The following STK32B variants were observed in gnomAD, a reference collection of about 807,000 sequenced individuals.
STK32B encodes the protein serine/threonine kinase 32B.
STK32B carries 43 observed loss-of-function variants against 52.6 expected under a neutral mutation model. That is an observed-to-expected ratio of 0.82 (90% confidence interval 0.64 to 1.05). The LOEUF (loss-of-function observed/expected upper bound fraction) is 1.05. STK32B is among the 50% of genes least tolerant of loss of function. The pLI, the probability that STK32B is intolerant of heterozygous loss-of-function variation, is 0.00. For missense variants in STK32B, 621 were observed against 534.6 expected, an observed-to-expected ratio of 1.16 and a Z score of -1.59; for synonymous variants, 238 against 204.3, an observed-to-expected ratio of 1.17 and a Z score of -1.41.
intron 3 of STK32B, among the ~76,000 whole-genome samples, chr4:5,318,358 G>T (rs1485545474): frequency 6.6e-6 from 1 of 152,038 alleles, no homozygotes; most frequent in Non-Finnish European, 1.5e-5. Context: ...ATGATGAGAA[G>T]GAGTGATAGG....
chr4:5,487,367 T>A (rs559950788), intron 11 of STK32B, among the ~76,000 whole-genome samples: 1 of 152,294 alleles, frequency 6.6e-6, no homozygotes, highest in Non-Finnish European at 1.5e-5. Flanking sequence ...TCACAAAGAT[T>A]GGAGAGGCAG....
At chr4:5,210,502 C>T (rs1372028476) in intron 3 of STK32B, among the ~76,000 whole-genome samples, 3 of 152,110 alleles carry the variant, frequency 2.0e-5, no homozygotes, top group African/African-American at 4.8e-5. Flanking sequence ...CTGCCCTCAC[C>T]GAAGACAAAC....
chr4:5,121,721 G>A (rs777254992), intron 1 of STK32B, among the ~76,000 whole-genome samples: 11 of 152,146 alleles, frequency 7.2e-5, no homozygotes, highest in South Asian at 2.1e-4. Flanking sequence ...AAAGCCTCAG[G>A]TCCTAGTGGG....
At chr4:5,251,152 T>C (rs1298836810) in intron 3 of STK32B, among the ~76,000 whole-genome samples, 1 of 152,230 alleles carries the variant, frequency 6.6e-6, no homozygotes, top group Non-Finnish European at 1.5e-5. Flanking sequence ...TCTAGAATGC[T>C]GTTTCCTAGG....
At chr4:5,312,370 C>A (rs1730353469) in intron 3 of STK32B, among the ~76,000 whole-genome samples, 1 of 151,648 alleles carries the variant, frequency 6.6e-6, no homozygotes, top group African/African-American at 2.4e-5. Flanking sequence ...ATGTGCCACG[C>A]TGGTGTGCTG....
intron 4 of STK32B, among the ~76,000 whole-genome samples, chr4:5,344,161 C>A (rs1733293914): frequency 6.6e-6 from 1 of 152,138 alleles, no homozygotes; most frequent in African/African-American, 2.4e-5. Flanking sequence ...CTCTTAAAAT[C>A]CAATTCAGAG....
At chr4:5,339,948 A>C (rs145766669) in intron 4 of STK32B, among the ~76,000 whole-genome samples, 1 of 152,118 alleles carries the variant, frequency 6.6e-6, no homozygotes, top group African/African-American at 2.4e-5. Flanking sequence ...GGGTGACGAA[A>C]CTCCATCCTT....
chr4:5,120,452 AT>A (rs1560161535), intron 1 of STK32B, among the ~76,000 whole-genome samples: 1 of 152,182 alleles, frequency 6.6e-6, no homozygotes, highest in African/African-American at 2.4e-5. Context: ...TACTGTTATA[AT>A]TTTTCCATAT....
intron 11 of STK32B, among the ~76,000 whole-genome samples, chr4:5,485,222 A>G (rs992444322): frequency 6.6e-6 from 1 of 152,160 alleles, no homozygotes; most frequent in Non-Finnish European, 1.5e-5. Context: ...ACTTTCAGGT[A>G]CACCAATCAG....
At chr4:5,496,432 C>T (rs1200560694) in intron 11 of STK32B, among the ~76,000 whole-genome samples, 5 of 152,158 alleles carry the variant, frequency 3.3e-5, no homozygotes, top group Non-Finnish European at 7.3e-5. Flanking sequence ...TTCGGAAAAG[C>T]GCAGTATTGG....
intron 6 of STK32B, among the ~76,000 whole-genome samples, chr4:5,423,723 G>T (rs1478891020): frequency 2.0e-5 from 3 of 152,144 alleles, no homozygotes; most frequent in Non-Finnish European, 2.9e-5. Context: ...TGATGGGGCT[G>T]TTGCATTGTC....
At chr4:5,365,027 C>A (rs1734789542) in intron 4 of STK32B, among the ~76,000 whole-genome samples, 1 of 152,122 alleles carries the variant, frequency 6.6e-6, no homozygotes, top group African/African-American at 2.4e-5. Flanking sequence ...AGGCATCCAC[C>A]ACCACACCCG....
intron 3 of STK32B, among the ~76,000 whole-genome samples, chr4:5,274,379 T>TA (rs1215555580): frequency 2.0e-5 from 3 of 152,090 alleles, no homozygotes; most frequent in Non-Finnish European, 4.4e-5. Context: ...GCTGCCCTTT[T>TA]AATGGTGGGG....
intron 1 of STK32B, among the ~76,000 whole-genome samples, chr4:5,069,887 G>A (rs1354195057): frequency 1.3e-5 from 2 of 152,294 alleles, no homozygotes; most frequent in East Asian, 1.9e-4. Flanking sequence ...CCGAGCCTCA[G>A]TTTCTTCTGC....
chr4:5,354,597 G>T (rs1464818420), intron 4 of STK32B, among the ~76,000 whole-genome samples: 1 of 152,176 alleles, frequency 6.6e-6, no homozygotes, highest in Non-Finnish European at 1.5e-5. Flanking sequence ...ATGCTCCATA[G>T]CAGAGAAGGG....
At chr4:5,080,264 C>T (rs1368022652) in intron 1 of STK32B, among the ~76,000 whole-genome samples, 1 of 152,164 alleles carries the variant, frequency 6.6e-6, no homozygotes, top group Admixed American at 6.5e-5. Context: ...CTTCTGCTTT[C>T]CCCGTCACTC....
intron 1 of STK32B, among the ~76,000 whole-genome samples, chr4:5,124,355 C>T (rs570041913): frequency 6.6e-6 from 1 of 152,294 alleles, no homozygotes; most frequent in African/African-American, 2.4e-5. Flanking sequence ...GCCTCCCTGA[C>T]TCTCTTAGAG....
intron 4 of STK32B, among the ~76,000 whole-genome samples, chr4:5,356,946 C>T (rs975795933): frequency 2.6e-5 from 4 of 151,876 alleles, no homozygotes; most frequent in South Asian, 4.2e-4. Flanking sequence ...TGCAGTGAGC[C>T]GAGATCGTGC....
At chr4:5,451,668 C>T (rs746486367) in intron 7 of STK32B, among the ~76,000 whole-genome samples, 2 of 152,114 alleles carry the variant, frequency 1.3e-5, no homozygotes, top group Admixed American at 6.5e-5. Context: ...TTTTGTGGTG[C>T]GGGACTGTCC....
Sources: gnomAD v4.1 joint callset for allele counts (sites outside exome capture counted in the v4.1 genomes callset) on GRCh38, gnomAD v4.1.1 for gene constraint, MANE v1.5 for transcripts, NCBI Gene and HGNC (gene_info 2026-07-23, HGNC 2026-07-21) for gene names.